The following KATNBL1 variants were observed in gnomAD, a reference collection of about 807,000 sequenced individuals.
KATNBL1 encodes the protein katanin regulatory subunit B1 like 1.
Under a neutral mutation model 44.7 loss-of-function variants are expected in KATNBL1, and 28 were observed. The observed-to-expected ratio is 0.63, with a 90% CI of 0.46 to 0.86. The LOEUF is 0.86. Ranked by LOEUF, KATNBL1 falls within the 40% of genes least tolerant of loss-of-function variation. KATNBL1 has a pLI of 0.00. For synonymous variants in KATNBL1, 78 were observed against 114.9 expected (o/e 0.68, Z 2.06); for missense variants, 272 against 350.7 (o/e 0.78, Z 1.79).
At position 34,188,154 on chromosome 15, in the gene KATNBL1, A is replaced by G. The variant is rs113876764; in HGVS notation, c.-15+21797T>C. Among the ~76,000 whole-genome samples, 714 of 148,150 alleles carry G rather than the reference A, an allele frequency of 4.8e-3. 21 individuals are homozygous for G. The highest frequency in any genetic ancestry group is 0.017 in the African/African-American group (694 of 40,440). On this transcript the variant is annotated intron_variant, in intron 1 of 9. Transcript: ENST00000256544. The stretch of plus-strand genomic sequence containing the variant: ...ACGCCATGTAAAAAAAAAAAAAAAA[A>G]AAAAAAAAAAAGAAAATTCACAAAT...
chr15:34,198,614 CA>C (rs1475943981), intron 1 of KATNBL1, among the ~76,000 whole-genome samples: 1 of 152,036 alleles, frequency 6.6e-6, no homozygotes, highest in African/African-American at 2.4e-5. Context: ...AAAAGTGTTC[CA>C]AAAAAATACT....
rs1041865045 is a variant in KATNBL1, at chr15:34,186,323, G to A, written c.-14-22633C>T. On this transcript the variant is annotated intron_variant, in intron 1 of 9. Coordinates refer to ENST00000256544, the MANE Select transcript of KATNBL1 (RefSeq NM_024713.3). Reference sequence around the variant, plus strand: ...AGTTGGGACAGGAGGTCCCCATGCCGCTGCAGTTGTAGACCCAGGTCTCCT... The same window carrying A: ...AGTTGGGACAGGAGGTCCCCATGCCACTGCAGTTGTAGACCCAGGTCTCCT... 6.6e-5 allele frequency among the ~76,000 whole-genome samples: 10 copies of A among 152,298 alleles called. 1 individual carries two copies. The South Asian group carries it at 1.0e-3, about 16-fold the overall frequency.
At chr15:34,190,710 C>T (rs1364844042) in intron 1 of KATNBL1, among the ~76,000 whole-genome samples, 3 of 152,064 alleles carry the variant, frequency 2.0e-5, no homozygotes, top group Non-Finnish European at 2.9e-5. Flanking sequence ...AAAAAAGAGA[C>T]AACCAGACAT....
intron 9 of KATNBL1, among the ~76,000 whole-genome samples, chr15:34,143,419 T>C (rs1369858986): frequency 1.3e-5 from 2 of 151,956 alleles, no homozygotes; most frequent in African/African-American, 4.8e-5. Context: ...GAGCTGAGCT[T>C]GTGCCACTGC....
chr15:34,174,079 G>C (rs1486411469), intron 1 of KATNBL1, among the ~76,000 whole-genome samples: 2 of 152,160 alleles, frequency 1.3e-5, no homozygotes, highest in Non-Finnish European at 2.9e-5. Flanking sequence ...TTTCATTCTT[G>C]AGTTTTCCAA....
At chr15:34,153,127 T>C in intron 3 of KATNBL1, 58 bp from the exon 4 acceptor site, 1 of 1,271,064 alleles carries the variant, frequency 7.9e-7, no homozygotes, top group Non-Finnish European at 1.1e-6. Context: ...CCTTTAAAAG[T>C]TTTTAAACAG....
At chr15:34,147,873 AT>A (rs950072912) in intron 5 of KATNBL1, among the ~76,000 whole-genome samples, 4 of 150,650 alleles carry the variant, frequency 2.7e-5, no homozygotes, top group East Asian at 1.9e-4. Context: ...ATTTTTAGTA[AT>A]TTTTTTTTTA....
intron 1 of KATNBL1, chr15:34,199,718 G>A (rs112636993): frequency 0.021 from 3,139 of 152,410 alleles, 41 homozygotes; most frequent in South Asian, 0.038. Flanking sequence ...CGGTGGGTTC[G>A]TAGTCTGGCC....
intron 1 of KATNBL1, among the ~76,000 whole-genome samples, chr15:34,175,966 T>A (rs530548908): frequency 1.3e-5 from 2 of 152,250 alleles, no homozygotes; most frequent in South Asian, 4.1e-4. Flanking sequence ...TGTATGCAAA[T>A]GTTATAACCT....
At chr15:34,163,107 G>A (rs976912500) in intron 2 of KATNBL1, among the ~76,000 whole-genome samples, 3 of 149,022 alleles carry the variant, frequency 2.0e-5, no homozygotes, top group South Asian at 2.1e-4. Context: ...GCAATGGCGC[G>A]ATCTCAGCTC....
chr15:34,146,856 A>T lies in KATNBL1; in HGVS notation c.699-6T>A. On this transcript the variant is annotated splice_region_variant and splice_polypyrimidine_tract_variant and intron_variant, in intron 7 of 9. Transcript: ENST00000256544. Reference sequence around the variant, plus strand: ...TTAAACCAACTATAACATATCTGAAATGACATTTTGTTACAAAATTCAAGT... The same window carrying T: ...TTAAACCAACTATAACATATCTGAATTGACATTTTGTTACAAAATTCAAGT... The T allele has an allele frequency of 1.3e-6, 2 of 1,563,826 alleles. No homozygotes were observed. The highest frequency in any genetic ancestry group is 1.8e-6 in the Non-Finnish European group (2 of 1,135,768).
chr15:34,171,391 G>C (rs1030795099), intron 1 of KATNBL1, among the ~76,000 whole-genome samples: 1 of 152,132 alleles, frequency 6.6e-6, no homozygotes, highest in African/African-American at 2.4e-5. Flanking sequence ...ATGAGATACC[G>C]TCTCATGCCA....
intron 2 of KATNBL1, among the ~76,000 whole-genome samples, chr15:34,159,923 G>T (rs1399645507): frequency 6.6e-6 from 1 of 152,124 alleles, no homozygotes; most frequent in Non-Finnish European, 1.5e-5. Context: ...AGTTACACTA[G>T]ATGGAAAGTA....
intron 1 of KATNBL1, among the ~76,000 whole-genome samples, chr15:34,165,336 G>A (rs1416641802): frequency 1.3e-5 from 2 of 152,028 alleles, no homozygotes; most frequent in African/African-American, 4.8e-5. Flanking sequence ...TTCAAAAAAG[G>A]GGACTTTTAG....
intron 2 of KATNBL1, chr15:34,154,912 T>A (rs1597430641): frequency 9.4e-6 from 5 of 533,578 alleles, no homozygotes; most frequent in Non-Finnish European, 1.7e-5. Context: ...TTGGCTAGGG[T>A]TGGACCGCAC....
At chr15:34,167,184 A>C (rs1274212962) in intron 1 of KATNBL1, among the ~76,000 whole-genome samples, 2 of 152,200 alleles carry the variant, frequency 1.3e-5, no homozygotes, top group Admixed American at 1.3e-4. Context: ...TGTTGCAAGG[A>C]AGCCAAAAAC....
At chr15:34,183,930 A>T (rs1416020041) in intron 1 of KATNBL1, among the ~76,000 whole-genome samples, 1 of 152,182 alleles carries the variant, frequency 6.6e-6, no homozygotes, top group African/African-American at 2.4e-5. Flanking sequence ...GCACTCTGGG[A>T]GGCCGAGGCA....
intron 3 of KATNBL1, among the ~76,000 whole-genome samples, chr15:34,154,077 A>G (rs756221023): frequency 1.3e-4 from 20 of 152,330 alleles, no homozygotes; most frequent in Middle Eastern, 3.4e-3. Context: ...TGGTTTAACA[A>G]AAGACAGCTG....
chr15:34,187,855 T>C (rs908260594), intron 1 of KATNBL1, among the ~76,000 whole-genome samples: 1 of 151,950 alleles, frequency 6.6e-6, no homozygotes, highest in Non-Finnish European at 1.5e-5. Flanking sequence ...TATTCACAAA[T>C]AGGCCAGGCA....
Sources: gnomAD v4.1 joint callset for allele counts (sites outside exome capture counted in the v4.1 genomes callset) on GRCh38, gnomAD v4.1.1 for gene constraint, MANE v1.5 for transcripts, NCBI Gene and HGNC (gene_info 2026-07-23, HGNC 2026-07-21) for gene names.